Variants in LYST observed in about 807,000 individuals in gnomAD.
The protein encoded by LYST is lysosomal trafficking regulator.
LYST carries 192 observed loss-of-function variants against 413.6 expected under a neutral mutation model. That is an observed-to-expected ratio of 0.46 (90% CI 0.41 to 0.52). The LOEUF is 0.52. Ranked by LOEUF, LYST falls within the 20% of genes least tolerant of loss-of-function variation. The pLI, the probability that LYST is intolerant of heterozygous loss-of-function variation, is 0.00. For synonymous variants in LYST, 1,525 were observed against 1,567.3 expected, an observed-to-expected ratio of 0.97 and a Z score of 0.64; for missense variants, 3,815 against 4,499.9, an observed-to-expected ratio of 0.85 and a Z score of 4.35.
intron 12 of LYST, 45 bp from the exon 13 acceptor site, chr1:235,788,890 C>A: frequency 6.4e-7 from 1 of 1,572,316 alleles, no homozygotes. Flanking sequence ...TGGTTCGTAA[C>A]AACTGAGTAG....
At chr1:235,769,243 T>C (rs1369148568) in intron 20 of LYST, among the ~76,000 whole-genome samples, 1 of 152,000 alleles carries the variant, frequency 6.6e-6, no homozygotes, top group African/African-American at 2.4e-5. Context: ...GGATCAATAA[T>C]TGTTAAAGCA....
At chr1:235,856,262 A>T (rs1304196477) in intron 1 of LYST, among the ~76,000 whole-genome samples, 1 of 152,194 alleles carries the variant, frequency 6.6e-6, no homozygotes, top group Non-Finnish European at 1.5e-5. Context: ...TATGATGCAC[A>T]GACATCTTTT....
Position 235,805,890 on chromosome 1 carries a change from T to G in LYST, c.3246A>C (p.Glu1082Asp). The G allele has an allele frequency of 6.2e-7, 1 of 1,613,916 alleles. No homozygotes were observed. The highest frequency in any genetic ancestry group is 1.3e-5 in the African/African-American group (1 of 74,996). ...ATAGCTTTGCTTCCTCGGGAGCGGC[T>G]TCAGTAGCTGAAACTTCTTCCACAT... ...SINVEEVSAT[E>D]AAPEEAKLFT... Residue 1082 changes from glutamate to aspartate, a missense_variant, in exon 6 of 53, where the codon GAA becomes GAC. By Grantham distance (45) the Glu-to-Asp change is conservative (BLOSUM62 2). Coordinates refer to ENST00000389793, the MANE Select transcript of LYST (RefSeq NM_000081.4).
At chr1:235,706,661 C>T (rs190330362) in intron 44 of LYST, among the ~76,000 whole-genome samples, 40 of 152,210 alleles carry the variant, frequency 2.6e-4, no homozygotes, top group African/African-American at 8.7e-4. Context: ...CATTTTTTCT[C>T]CCTTACATAT....
At chr1:235,740,951 A>G (rs146708664) in intron 31 of LYST, among the ~76,000 whole-genome samples, 2 of 152,316 alleles carry the variant, frequency 1.3e-5, no homozygotes, top group East Asian at 3.9e-4. Flanking sequence ...GATAAACTTT[A>G]TACACTCTGA....
chr1:235,716,737 T>G lies in LYST; in HGVS notation c.9602A>C (p.Glu3201Ala). ...KPIAVQYKEK[E>A]DRYVDTYKYL... ...CTTGTATGTGTCCACATAACGATCTTCTTTTTCTTTATACTGAACAGCTAT... is the reference window on the plus strand; with the variant it reads ...CTTGTATGTGTCCACATAACGATCTGCTTTTTCTTTATACTGAACAGCTAT... Residue 3201 changes from glutamate to alanine, a missense_variant, in exon 41 of 53, where the codon GAA (glutamate) becomes GCA (alanine). Glu to Ala is a moderately radical substitution (Grantham distance 107). Around this residue, in one of 4 missense-constraint regions of LYST, gnomAD observed 866 missense variants for 1,156.0 expected, o/e 0.75. Coordinates refer to ENST00000389793, the MANE Select transcript of LYST (RefSeq NM_000081.4). 1 of 1,597,046 alleles carries G rather than the reference T, an allele frequency of 6.3e-7. No individual in the cohort carries two copies. The highest frequency in any genetic ancestry group is 8.6e-7 in the Non-Finnish European group (1 of 1,165,170).
intron 3 of LYST, chr1:235,829,984 C>T (rs1572392965): frequency 2.4e-6 from 1 of 415,546 alleles, no homozygotes; most frequent in East Asian, 4.4e-5. Context: ...CGATAAAAAG[C>T]ATAGTATATA....
intron 18 of LYST, among the ~76,000 whole-genome samples, chr1:235,774,472 G>A (rs1459454167): frequency 6.6e-6 from 1 of 152,176 alleles, no homozygotes; most frequent in South Asian, 2.1e-4. Context: ...TGATGATAGC[G>A]GGATCATAAT....
chr1:235,728,089 G>A lies in LYST; in HGVS notation c.9149C>T (p.Thr3050Ile). Reference sequence around the variant, plus strand: ...GCCTCTACTCACCGAACTTTCAACTGTATCAGAAGCATTATCTTCCACAAA... The same window carrying A: ...GCCTCTACTCACCGAACTTTCAACTATATCAGAAGCATTATCTTCCACAAA... ...MYFVEDNASD[T>I]VESSSLQGEL... Residue 3050 changes from threonine (T) to isoleucine (I), a missense_variant, in exon 38 of 53, where the codon ACA (threonine) becomes ATA (isoleucine). By Grantham distance (89) the Thr-to-Ile change is moderately conservative. Coordinates refer to ENST00000389793, the MANE Select transcript of LYST (RefSeq NM_000081.4). 2 of 1,611,868 alleles carry A rather than the reference G, an allele frequency of 1.2e-6. No individual in the cohort carries two copies. The highest frequency in any genetic ancestry group is 1.7e-6 in the Non-Finnish European group (2 of 1,178,160).
At chr1:235,879,147 A>C (rs1681263107) in intron 1 of LYST, among the ~76,000 whole-genome samples, 1 of 152,226 alleles carries the variant, frequency 6.6e-6, no homozygotes, top group African/African-American at 2.4e-5. Flanking sequence ...CTGGGATTAC[A>C]GGTGTGAACC....
chr1:235,855,431 T>C (rs1253229704), intron 1 of LYST, among the ~76,000 whole-genome samples: 2 of 152,186 alleles, frequency 1.3e-5, no homozygotes, highest in African/African-American at 4.8e-5. Context: ...CCGAAACACC[T>C]TAAAAACCTT....
At chr1:235,762,666 A>C in intron 22 of LYST, 54 bp downstream of exon 22, 1 of 1,543,336 alleles carries the variant, frequency 6.5e-7, no homozygotes, top group South Asian at 1.1e-5. Context: ...TAATTATCTA[A>C]GAATATTCAG....
At position 235,806,919 on chromosome 1, in the gene LYST, C is replaced by T. The variant is rs908783617; in HGVS notation, c.2364-147G>A. 101 of 651,772 alleles carry T rather than the reference C, an allele frequency of 1.5e-4. No individual in the cohort carries two copies. The Middle Eastern group carries it at 2.5e-3, about 16-fold the overall frequency. 40.4% of individuals were successfully genotyped at this position (651,772 alleles called of 1,614,324 possible). A position where few individuals can be genotyped will look rare whatever the true frequency, so the allele number is the denominator to read the frequency against. The stretch of plus-strand genomic sequence containing the variant: ...ATTCATCAATTATCAGGCTAAAGTT[C>T]TTAGTTAGATATAATTAGGACCTCA... On this transcript the variant is annotated intron_variant, in intron 5 of 52. Transcript: ENST00000389793.
At chr1:235,862,802 AACAAACACAC>A (rs1158255353) in intron 1 of LYST, among the ~76,000 whole-genome samples, 6 of 98,172 alleles carry the variant, frequency 6.1e-5, no homozygotes, top group South Asian at 4.0e-4. Context: ...TCTCAAAACA[AACAAACACAC>A]ACACACACAC....
At chr1:235,719,226 C>T (rs1663118689) in intron 40 of LYST, among the ~76,000 whole-genome samples, 1 of 152,122 alleles carries the variant, frequency 6.6e-6, no homozygotes. Flanking sequence ...CCATGTTGGC[C>T]AGGCTGCTCT....
At chr1:235,693,111 C>G (rs111365174) in intron 47 of LYST, among the ~76,000 whole-genome samples, 175 of 152,108 alleles carry the variant, frequency 1.2e-3, no homozygotes, top group Non-Finnish European at 2.1e-3. Context: ...GTCAGGAGAT[C>G]GAGACCATCC....
intron 41 of LYST, among the ~76,000 whole-genome samples, chr1:235,716,051 C>T (rs138014439): frequency 1.1e-3 from 170 of 152,188 alleles, no homozygotes; most frequent in African/African-American, 3.7e-3. Context: ...ACAGCAATGA[C>T]GCATTTTCAA....
chr1:235,715,427 G>GT (rs547838082), intron 41 of LYST, 70 bp from the exon 42 acceptor site: 2,527 of 1,441,778 alleles, frequency 1.8e-3, no homozygotes, highest in Non-Finnish European at 2.1e-3. Context: ...AGTGCTGGAT[G>GT]TTTTTTTTTC....
At position 235,744,134 on chromosome 1, in the gene LYST, T is replaced by C. The variant is rs754782150; in HGVS notation, c.7996A>G (p.Ile2666Val). 1.3e-6 allele frequency: 2 copies of C among 1,587,524 alleles called. No homozygotes were observed. Among genetic ancestry groups the C allele is most frequent in the Non-Finnish European group, 8.6e-7 (1 of 1,156,264 alleles). Reference sequence around the variant, plus strand: ...GTTACATTTTCTGGAGTTCTCAAAATGTCAATAATGTCTGAATTAAATTCT... The same window carrying C: ...GTTACATTTTCTGGAGTTCTCAAAACGTCAATAATGTCTGAATTAAATTCT... ...YQEFNSDIID[I>V]LRTPENVTQS... is the part of the protein sequence containing the mutation. Residue 2666 changes from isoleucine (I) to valine (V), a missense_variant, in exon 30 of 53, where the codon ATT becomes GTT. Transcript: ENST00000389793.
Sources: allele counts gnomAD v4.1 joint callset (sites outside exome capture counted in the v4.1 genomes callset), GRCh38; gene constraint gnomAD v4.1.1; regional missense constraint gnomAD v4.1.1; transcripts MANE v1.5; gene names NCBI Gene and HGNC (gene_info 2026-07-23, HGNC 2026-07-21).